DENND5B: variants seen among roughly 807,000 people sequenced by gnomAD.
The protein encoded by DENND5B is DENN domain-containing protein 5B.
Under a neutral mutation model 140.6 loss-of-function variants are expected in DENND5B, and 34 were observed. That is an observed-to-expected ratio of 0.24 (90% CI 0.18 to 0.32). DENND5B has a LOEUF of 0.32. Ranked by LOEUF, DENND5B falls within the 10% of genes least tolerant of loss-of-function variation. DENND5B has a pLI of 1.00. For missense variants in DENND5B, 1,142 were observed against 1,560.2 expected, an observed-to-expected ratio of 0.73 and a Z score of 4.52; for synonymous variants, 551 against 562.1, an observed-to-expected ratio of 0.98 and a Z score of 0.28.
chr12:31,544,838 A>T (rs1042586775), intron 1 of DENND5B, among the ~76,000 whole-genome samples: 29 of 152,208 alleles, frequency 1.9e-4, no homozygotes, highest in Non-Finnish European at 4.1e-4. Context: ...TTTCCCCCAA[A>T]GAATGTTGAA....
At chr12:31,447,804 A>G in intron 5 of DENND5B, 35 bp from the exon 6 acceptor site, 1 of 1,436,834 alleles carries the variant, frequency 7.0e-7, no homozygotes, top group South Asian at 1.2e-5. Context: ...ATTAGTGCAA[A>G]GAGACCATCT....
At chr12:31,446,959 T>A (rs1944304052) in intron 6 of DENND5B, among the ~76,000 whole-genome samples, 1 of 150,390 alleles carries the variant, frequency 6.6e-6, no homozygotes, top group African/African-American at 2.4e-5. Context: ...TTTTTTCCAT[T>A]TAGGCAATAA....
At chr12:31,459,680 CCA>C (rs1412978136) in intron 4 of DENND5B, among the ~76,000 whole-genome samples, 1 of 152,020 alleles carries the variant, frequency 6.6e-6, no homozygotes, top group African/African-American at 2.4e-5. Context: ...TTTATCTCAA[CCA>C]CCAAGCCAAG....
chr12:31,561,916 T>C (rs1949489052), intron 1 of DENND5B, among the ~76,000 whole-genome samples: 1 of 152,214 alleles, frequency 6.6e-6, no homozygotes, highest in Non-Finnish European at 1.5e-5. Context: ...AGCCACATCA[T>C]TCATTCAACA....
chr12:31,540,962 TCTCTTCAGTCAATGGTGCTGGGAAAA>T, intron 1 of DENND5B: 1 of 452,136 alleles, frequency 2.2e-6, no homozygotes, highest in South Asian at 1.6e-5. Context: ...GAAAGGACAG[TCTCTTCAGTCAATGGTGCTGGGAAAA>T]CTGGATATCT....
intron 2 of DENND5B, among the ~76,000 whole-genome samples, chr12:31,488,439 T>C (rs936604436): frequency 3.3e-5 from 5 of 152,198 alleles, no homozygotes; most frequent in African/African-American, 4.8e-5. Flanking sequence ...CCTTAAGGGT[T>C]TGTAGCTTTC....
intron 7 of DENND5B, 73 bp downstream of exon 7, chr12:31,442,702 C>G: frequency 2.7e-6 from 4 of 1,491,990 alleles, no homozygotes; most frequent in Non-Finnish European, 3.6e-6. Flanking sequence ...TAAGCATTGT[C>G]CATTTGAGTT....
chr12:31,404,492 C>T (rs1391204327), intron 14 of DENND5B, among the ~76,000 whole-genome samples: 1 of 152,112 alleles, frequency 6.6e-6, no homozygotes, highest in African/African-American at 2.4e-5. Flanking sequence ...TCACTCTTGT[C>T]GCTCAGGCTG....
intron 1 of DENND5B, among the ~76,000 whole-genome samples, chr12:31,539,901 T>C (rs564094216): frequency 7.9e-5 from 12 of 151,938 alleles, no homozygotes; most frequent in African/African-American, 2.7e-4. Context: ...GAGAAAGATA[T>C]AAAGGGTATC....
chr12:31,536,129 C>A (rs1435402253), intron 1 of DENND5B, among the ~76,000 whole-genome samples: 1 of 152,120 alleles, frequency 6.6e-6, no homozygotes, highest in African/African-American at 2.4e-5. Flanking sequence ...TCCTGAGGCA[C>A]CCCCAGAAGT....
At position 31,414,201 on chromosome 12, in the gene DENND5B, C is replaced by A. The variant is rs112765937; in HGVS notation, c.2553-637G>T. ...CCCTCAGCCTCCCAAAGTGCATGAC[C>A]CACTGCACTTGGATCTTATGACACT... On this transcript the variant is annotated intron_variant, in intron 12 of 20. Coordinates refer to ENST00000389082, the MANE Select transcript of DENND5B (RefSeq NM_144973.4). Among the ~76,000 whole-genome samples, 1,376 of 152,166 alleles carry A rather than the reference C, an allele frequency of 9.0e-3. 19 individuals are homozygous for A. The highest frequency in any genetic ancestry group is 0.031 in the African/African-American group (1,283 of 41,510).
At chr12:31,585,181 GGT>G (rs1205357218) in intron 1 of DENND5B, among the ~76,000 whole-genome samples, 1 of 152,120 alleles carries the variant, frequency 6.6e-6, no homozygotes, top group Non-Finnish European at 1.5e-5. Context: ...TTCAACATGA[GGT>G]TTGGGGACAA....
rs189035716 is a variant in DENND5B, at chr12:31,574,321, G to C, written c.127+16385C>G. 8.2e-4 allele frequency among the ~76,000 whole-genome samples: 109 copies of C among 132,704 alleles called. 2 individuals are homozygous for C. The East Asian group carries it at 0.024, about 29-fold the overall frequency. The allele number at this position is 132,704 out of a possible 152,430, so 87.1% of individuals were successfully genotyped here. ...ATTTAAAAGGGAGGTGGCCAGGCGC[G>C]GTGGCTCCCTGTAATCCCAGCACTT... On this transcript the variant is annotated intron_variant, in intron 1 of 20. Transcript: ENST00000389082.
At chr12:31,494,165 T>C (rs565956376) in intron 2 of DENND5B, among the ~76,000 whole-genome samples, 3 of 72,238 alleles carry the variant, frequency 4.2e-5, no homozygotes, top group East Asian at 6.0e-4. Flanking sequence ...TCTATCTATC[T>C]ATCTATCTAT....
rs1444229053 is a variant in DENND5B at position 31,394,034 on chromosome 12, T to C, written c.3257-1338A>G. Among the ~76,000 whole-genome samples the C allele has an allele frequency of 2.6e-5, 4 of 152,182 alleles. No homozygotes were observed. In the East Asian group the frequency reaches 5.8e-4, roughly 22 times the overall value. ...TTCAAGTAGGTTTTTTCTACACTAA[T>C]GCATAAAAATTGTTAAAATGAAAAC... On this transcript the variant is annotated intron_variant, in intron 17 of 20. Coordinates refer to ENST00000389082, the MANE Select transcript of DENND5B (RefSeq NM_144973.4).
chr12:31,438,548 C>T (rs1267109127), intron 7 of DENND5B, among the ~76,000 whole-genome samples: 4 of 151,890 alleles, frequency 2.6e-5, no homozygotes, highest in African/African-American at 4.8e-5. Flanking sequence ...CAATGTAAGA[C>T]TGTAAAAAGG....
chr12:31,527,976 A>C (rs1210192672), intron 1 of DENND5B, among the ~76,000 whole-genome samples: 2 of 152,214 alleles, frequency 1.3e-5, no homozygotes. Context: ...ATGAAAAACA[A>C]AAAAGGTGAG....
At chr12:31,408,275 G>C (rs1019230057) in intron 14 of DENND5B, among the ~76,000 whole-genome samples, 15 of 151,954 alleles carry the variant, frequency 9.9e-5, no homozygotes, top group Admixed American at 1.3e-4. Context: ...CTCCAGCCTA[G>C]GTGACAGAGC....
chr12:31,442,322 T>C (rs757355475), intron 7 of DENND5B, among the ~76,000 whole-genome samples: 2 of 152,324 alleles, frequency 1.3e-5, no homozygotes, highest in Non-Finnish European at 2.9e-5. Flanking sequence ...GAAGGGAGCG[T>C]GGCCCTGCCA....
Sources: gnomAD v4.1 joint callset for allele counts (sites outside exome capture counted in the v4.1 genomes callset) on GRCh38, gnomAD v4.1.1 for gene constraint, MANE v1.5 for transcripts, NCBI Gene and HGNC (gene_info 2026-07-23, HGNC 2026-07-21) for gene names.